ITFG1: variants seen among roughly 807,000 people sequenced by gnomAD.
ITFG1 encodes integrin alpha FG-GAP repeat containing 1, also known as T-cell immunomodulatory protein.
In ITFG1, 34 loss-of-function variants were observed where a neutral mutation model predicts 81.8. The observed-to-expected ratio is 0.42, with a 90% CI of 0.32 to 0.55. The LOEUF (loss-of-function observed/expected upper bound fraction) is 0.55. Among genes scored for constraint, ITFG1 ranks in the 20% least tolerant of loss-of-function variants. ITFG1 has a pLI of 0.17. For synonymous variants in ITFG1, 285 were observed against 270.6 expected (o/e 1.05, Z -0.52); for missense variants, 672 against 755.4 (o/e 0.89, Z 1.29).
chr16:47,354,316 C>T (rs1968009281), intron 8 of ITFG1, among the ~76,000 whole-genome samples: 1 of 152,034 alleles, frequency 6.6e-6, no homozygotes, highest in African/African-American at 2.4e-5. Context: ...ACAGTCTCTT[C>T]AATAAATGGT....
chr16:47,269,373 G>C (rs1966311638), intron 10 of ITFG1, among the ~76,000 whole-genome samples: 1 of 151,694 alleles, frequency 6.6e-6, no homozygotes, highest in Non-Finnish European at 1.5e-5. Context: ...GCTGGGTGCA[G>C]TGGGTCACAC....
intron 8 of ITFG1, among the ~76,000 whole-genome samples, chr16:47,315,567 C>A (rs1967340847): frequency 6.6e-6 from 1 of 152,054 alleles, no homozygotes; most frequent in Non-Finnish European, 1.5e-5. Context: ...CAAGTAGTTT[C>A]ATATATCTCA....
intron 12 of ITFG1, among the ~76,000 whole-genome samples, chr16:47,238,892 T>C (rs1029616089): frequency 2.6e-5 from 4 of 152,200 alleles, no homozygotes; most frequent in Admixed American, 2.0e-4. Context: ...ATTTGAATGT[T>C]GCTATCCCCC....
intron 6 of ITFG1, among the ~76,000 whole-genome samples, chr16:47,403,098 T>C (rs947380208): frequency 6.6e-6 from 1 of 152,226 alleles, no homozygotes; most frequent in Non-Finnish European, 1.5e-5. Flanking sequence ...TCATTGTACT[T>C]GACAAATTTT....
intron 12 of ITFG1, among the ~76,000 whole-genome samples, chr16:47,250,971 T>C (rs1286164711): frequency 6.6e-6 from 1 of 152,188 alleles, no homozygotes; most frequent in Non-Finnish European, 1.5e-5. Context: ...ATTTGTTACT[T>C]GGTAGTTCTT....
intron 14 of ITFG1, among the ~76,000 whole-genome samples, chr16:47,179,366 G>T (rs1965070875): frequency 6.6e-6 from 1 of 152,138 alleles, no homozygotes; most frequent in South Asian, 2.1e-4. Flanking sequence ...AGAAAATGTG[G>T]CACATATACA....
intron 11 of ITFG1, among the ~76,000 whole-genome samples, chr16:47,259,586 A>C (rs1966181107): frequency 6.6e-6 from 1 of 152,252 alleles, no homozygotes; most frequent in Admixed American, 6.5e-5. Flanking sequence ...CTCTTATAAA[A>C]AACAAAATAA....
In ITFG1 at chr16:47,278,536, T is replaced by C. The variant is rs558297263; in HGVS notation, c.1071-17841A>G. Among the ~76,000 whole-genome samples, 7 of 152,254 alleles carry C rather than the reference T, an allele frequency of 4.6e-5. No homozygotes were observed. In the East Asian group the frequency reaches 1.4e-3, roughly 29 times the overall value. On this transcript the variant is annotated intron_variant, in intron 10 of 17. Coordinates refer to ENST00000320640, the MANE Select transcript of ITFG1 (RefSeq NM_030790.5). ...AGTATGCAAGAGAGATGAGAAAGCA[T>C]GCGAGGCAGGCCGACTTGTTTCTGC...
intron 5 of ITFG1, among the ~76,000 whole-genome samples, chr16:47,430,057 C>CTTTTTT (rs920966590): frequency 4.1e-5 from 5 of 122,014 alleles, no homozygotes; most frequent in Non-Finnish European, 5.3e-5. Flanking sequence ...TTTTACTTTT[C>CTTTTTT]TTTTTTTTTT....
chr16:47,212,326 A>G (rs1237324996), intron 14 of ITFG1, among the ~76,000 whole-genome samples: 1 of 152,064 alleles, frequency 6.6e-6, no homozygotes, highest in African/African-American at 2.4e-5. Flanking sequence ...TGATCCTCCC[A>G]CTTCAGCCTC....
chr16:47,385,759 C>T (rs1488526829), intron 6 of ITFG1, among the ~76,000 whole-genome samples: 2 of 152,174 alleles, frequency 1.3e-5, no homozygotes, highest in African/African-American at 4.8e-5. Flanking sequence ...AATGAGAAGA[C>T]TTCAACCTTT....
At chr16:47,229,221 G>C (rs1965789049) in intron 13 of ITFG1, among the ~76,000 whole-genome samples, 2 of 152,050 alleles carry the variant, frequency 1.3e-5, no homozygotes, top group Non-Finnish European at 2.9e-5. Flanking sequence ...AACAACAGAA[G>C]GTGCATCCAA....
At chr16:47,179,831 T>C (rs973829021) in intron 14 of ITFG1, among the ~76,000 whole-genome samples, 2 of 152,190 alleles carry the variant, frequency 1.3e-5, no homozygotes, top group African/African-American at 4.8e-5. Flanking sequence ...AGTTCTTAGA[T>C]TTTTGGAAGT....
chr16:47,364,389 C>T (rs1276768656), intron 8 of ITFG1, among the ~76,000 whole-genome samples: 1 of 152,082 alleles, frequency 6.6e-6, no homozygotes, highest in Non-Finnish European at 1.5e-5. Flanking sequence ...AAAAGTAAGG[C>T]ATTTTATGAT....
intron 6 of ITFG1, among the ~76,000 whole-genome samples, chr16:47,383,885 C>T (rs577471908): frequency 3.9e-5 from 6 of 152,284 alleles, no homozygotes; most frequent in African/African-American, 1.2e-4. Flanking sequence ...ACCTGGGCAA[C>T]GAGAGCAAAA....
chr16:47,418,469 T>C (rs1181042944), intron 6 of ITFG1, among the ~76,000 whole-genome samples: 1 of 152,148 alleles, frequency 6.6e-6, no homozygotes, highest in African/African-American at 2.4e-5. Flanking sequence ...CATAAAATCA[T>C]TGCCTAGACC....
intron 8 of ITFG1, among the ~76,000 whole-genome samples, chr16:47,338,940 C>T (rs988323011): frequency 3.3e-5 from 5 of 152,168 alleles, no homozygotes; most frequent in Admixed American, 2.0e-4. Flanking sequence ...CATTAACCAT[C>T]GCCACTTCCC....
At chr16:47,338,694 TAGA>T (rs1352017087) in intron 8 of ITFG1, among the ~76,000 whole-genome samples, 1 of 151,792 alleles carries the variant, frequency 6.6e-6, no homozygotes, top group Non-Finnish European at 1.5e-5. Flanking sequence ...TGTGGGTACA[TAGA>T]AGGTGTATAC....
chr16:47,440,588 TG>T lies in ITFG1; in HGVS notation c.560+10807del, dbSNP rs201475878. On this transcript the variant is annotated intron_variant, in intron 5 of 17. Transcript: ENST00000320640. Reference sequence around the variant, plus strand: ...GAACAACCTGCTCCTGAATGACTACTGGGTACATAACGAAATGAAAGCAGAA... The same window carrying T: ...GAACAACCTGCTCCTGAATGACTACTGGTACATAACGAAATGAAAGCAGAA... Among the ~76,000 whole-genome samples, 877 of 152,184 alleles carry T rather than the reference TG, an allele frequency of 5.8e-3. 7 individuals carry two copies. Among genetic ancestry groups the T allele is most frequent in the African/African-American group, 0.02 (835 of 41,528 alleles).
Sources: gnomAD v4.1 joint callset for allele counts (sites outside exome capture counted in the v4.1 genomes callset) on GRCh38, gnomAD v4.1.1 for gene constraint, MANE v1.5 for transcripts, NCBI Gene and HGNC (gene_info 2026-07-23, HGNC 2026-07-21) for gene names.